The following NEK11 variants were observed in gnomAD, a reference collection of about 807,000 sequenced individuals.
NEK11 encodes the protein serine/threonine-protein kinase Nek11.
A neutral mutation model predicts 80.7 loss-of-function variants in NEK11; 72 were observed. The observed-to-expected ratio is 0.89, with a 90% confidence interval of 0.74 to 1.08. The LOEUF is 1.08. Ranked by LOEUF, NEK11 falls within the 50% of genes least tolerant of loss-of-function variation. NEK11 has a pLI of 0.00. For missense variants in NEK11, 764 were observed against 763.6 expected (o/e 1.00, Z -0.01); for synonymous variants, 251 against 260.7 (o/e 0.96, Z 0.36).
intron 14 of NEK11, among the ~76,000 whole-genome samples, chr3:131,209,379 C>T (rs950722334): frequency 1.3e-4 from 19 of 152,000 alleles, no homozygotes; most frequent in Admixed American, 9.2e-4. Context: ...TTTGGTTTGC[C>T]GGTATTTTAT....
chr3:131,143,894 T>C (rs1416110040), intron 7 of NEK11, among the ~76,000 whole-genome samples: 1 of 152,182 alleles, frequency 6.6e-6, no homozygotes, highest in African/African-American at 2.4e-5. Context: ...ACATTTCCAT[T>C]ACTGTTTCCA....
At chr3:131,301,490 C>T (rs188097959) in intron 17 of NEK11, among the ~76,000 whole-genome samples, 24 of 148,418 alleles carry the variant, frequency 1.6e-4, no homozygotes, top group Admixed American at 8.7e-4. Flanking sequence ...TTTTTTTGTT[C>T]AGTATGATGT....
chr3:131,155,055 C>A lies in NEK11; in HGVS notation c.896C>A (p.Ser299Ter), dbSNP rs770480387. Residue 299 changes from serine (S) to a stop codon, truncating the protein, a stop_gained, in exon 10 of 18, where the codon TCA (serine) becomes TAA (stop). Transcript: ENST00000383366. LOFTEE classifies it high-confidence loss of function. ...TTTCAGAACCTAATGTGTAGATATTCAGAAATGACTCTGGAAGACAAAAAT... is the reference window on the plus strand; with the variant it reads ...TTTCAGAACCTAATGTGTAGATATTAAGAAATGACTCTGGAAGACAAAAAT... ...EQLQNLMCRY[S>*]EMTLEDKNLD... The A allele has an allele frequency of 2.5e-6, 4 of 1,608,638 alleles. No individual in the cohort carries two copies. The South Asian group carries it at 3.3e-5, about 13-fold the overall frequency.
chr3:131,138,354 G>A (rs947802060), intron 7 of NEK11, among the ~76,000 whole-genome samples: 1 of 152,116 alleles, frequency 6.6e-6, no homozygotes, highest in African/African-American at 2.4e-5. Flanking sequence ...GAGTGGGAAG[G>A]ACTGTGTCAT....
At chr3:131,192,723 C>T (rs11915413) in intron 14 of NEK11, among the ~76,000 whole-genome samples, 32,076 of 152,038 alleles carry the variant, frequency 0.21, 3,726 homozygotes, top group African/African-American at 0.31. Context: ...TAATGAGCTA[C>T]GTATAGCAGC....
intron 14 of NEK11, among the ~76,000 whole-genome samples, chr3:131,219,707 C>G (rs576866026): frequency 1.4e-3 from 211 of 152,274 alleles, no homozygotes; most frequent in South Asian, 3.5e-3. Flanking sequence ...TCTCCAACCT[C>G]CAGAACTCTG....
chr3:131,290,695 A>G (rs972208537), intron 17 of NEK11, among the ~76,000 whole-genome samples: 1 of 152,172 alleles, frequency 6.6e-6, no homozygotes, highest in Non-Finnish European at 1.5e-5. Context: ...GCTTTCAACC[A>G]TGCACCTAGA....
intron 3 of NEK11, among the ~76,000 whole-genome samples, chr3:131,031,805 A>C (rs2064893393): frequency 6.6e-6 from 1 of 152,184 alleles, no homozygotes; most frequent in African/African-American, 2.4e-5. Context: ...GGTGAGGATA[A>C]CGGACAAAAA....
Position 131,152,379 on chromosome 3 carries a change from T to G in NEK11, c.648-9T>G. 6.4e-7 allele frequency: 1 copy of G among 1,572,196 alleles called. No individual in the cohort carries two copies. Among genetic ancestry groups the G allele is most frequent in the Non-Finnish European group, 8.6e-7 (1 of 1,161,830 alleles). ...GTTCCTTATTTAAATTCTTTGACTT[T>G]GTCTTCAGGTCACTGGCATGCATTT... On this transcript the variant is annotated splice_polypyrimidine_tract_variant and intron_variant, in intron 7 of 17. Coordinates refer to ENST00000383366, the MANE Select transcript of NEK11 (RefSeq NM_024800.5).
intron 3 of NEK11, among the ~76,000 whole-genome samples, chr3:131,056,940 GGTTA>G (rs2069629508): frequency 6.6e-6 from 1 of 151,654 alleles, no homozygotes; most frequent in African/African-American, 2.4e-5. Context: ...ACAATGTGCA[GGTTA>G]GTTACATATG....
chr3:131,337,058 A>G (rs1345642788), intron 17 of NEK11, among the ~76,000 whole-genome samples: 67 of 152,216 alleles, frequency 4.4e-4, no homozygotes, highest in African/African-American at 9.9e-4. Context: ...TCAGTGTGGC[A>G]ATTCCTCAGG....
chr3:131,243,483 T>C lies in NEK11; in HGVS notation c.1608T>C (p.Gly536=). ...ALARCLENVL[G]CTSLDTKTIT... is the part of the protein sequence containing the mutation. ...CCAGGTGTTTGGAAAATGTCCTGGGTTGCACTTCTCTAGGTGAGTAAGTTC... is the reference window on the plus strand; with the variant it reads ...CCAGGTGTTTGGAAAATGTCCTGGGCTGCACTTCTCTAGGTGAGTAAGTTC... Residue 536 remains glycine (G), a synonymous_variant, in exon 16 of 18, where the codon GGT becomes GGC. Coordinates refer to ENST00000383366, the MANE Select transcript of NEK11 (RefSeq NM_024800.5). The C allele has an allele frequency of 6.2e-7, 1 of 1,612,712 alleles. No individual in the cohort carries two copies. Among genetic ancestry groups the C allele is most frequent in the Non-Finnish European group, 8.5e-7 (1 of 1,179,128 alleles).
intron 17 of NEK11, among the ~76,000 whole-genome samples, chr3:131,314,122 A>AG (rs2096810064): frequency 1.5e-5 from 2 of 133,368 alleles, no homozygotes; most frequent in Admixed American, 7.5e-5. Context: ...TTATCCATGG[A>AG]GAAAAAGAGT....
intron 17 of NEK11, among the ~76,000 whole-genome samples, chr3:131,297,725 TG>T (rs201070010): frequency 0.041 from 6,307 of 152,164 alleles, 384 homozygotes; most frequent in African/African-American, 0.13. Context: ...GTTTTAGACA[TG>T]AAGTCCTTGC....
intron 4 of NEK11, among the ~76,000 whole-genome samples, chr3:131,093,475 G>A (rs1446961270): frequency 6.6e-6 from 1 of 151,950 alleles, no homozygotes; most frequent in East Asian, 1.9e-4. Flanking sequence ...TCAGGCTGGA[G>A]TGTGGTGGCA....
At chr3:131,080,668 AGTC>A (rs2075119545) in intron 4 of NEK11, 80 bp downstream of exon 4, 4 of 1,224,102 alleles carry the variant, frequency 3.3e-6, no homozygotes, top group Non-Finnish European at 4.5e-6. Context: ...AGATCTTAAA[AGTC>A]CAATTATCAC....
intron 7 of NEK11, among the ~76,000 whole-genome samples, chr3:131,146,245 A>G (rs1359520336): frequency 2.0e-5 from 3 of 152,038 alleles, no homozygotes; most frequent in Non-Finnish European, 4.4e-5. Context: ...GGACTTGCAA[A>G]TTTGATTTCT....
chr3:131,072,614 G>A (rs1340726415), intron 3 of NEK11, among the ~76,000 whole-genome samples: 3 of 152,172 alleles, frequency 2.0e-5, no homozygotes, highest in Admixed American at 6.5e-5. Context: ...GGGACAAGGA[G>A]GAGCTGTATA....
intron 1 of NEK11, chr3:131,027,625 C>G (rs1031604046): frequency 4.6e-5 from 7 of 152,148 alleles, no homozygotes; most frequent in Non-Finnish European, 7.3e-5. Flanking sequence ...TCACTCAAAC[C>G]TCGAGGGGGA....
Sources: gnomAD v4.1 joint callset for allele counts (sites outside exome capture counted in the v4.1 genomes callset) on GRCh38, gnomAD v4.1.1 for gene constraint, MANE v1.5 for transcripts, NCBI Gene and HGNC (gene_info 2026-07-23, HGNC 2026-07-21) for gene names.